Variants in LHFPL3 observed in about 807,000 individuals in gnomAD.
The protein encoded by LHFPL3 is LHFPL tetraspan subfamily member 3.
A neutral mutation model predicts 19.3 loss-of-function variants in LHFPL3; 5 were observed. The observed-to-expected ratio is 0.26, with a 90% CI of 0.14 to 0.54. The LOEUF (loss-of-function observed/expected upper bound fraction) is 0.54, where lower values mean the gene tolerates loss of function less well. LHFPL3 is among the 20% of genes least tolerant of loss of function. LHFPL3 has a pLI of 0.94. For missense variants in LHFPL3, 249 were observed against 307.4 expected (o/e 0.81, Z 1.42); for synonymous variants, 133 against 126.2 (o/e 1.05, Z -0.36).
intron 1 of LHFPL3, among the ~76,000 whole-genome samples, chr7:104,679,226 G>A (rs1480630659): frequency 6.6e-6 from 1 of 152,222 alleles, no homozygotes; most frequent in African/African-American, 2.4e-5. Context: ...CTCCTTACTG[G>A]TTGTTGACAG....
At chr7:104,462,670 G>T (rs1339422029) in intron 1 of LHFPL3, among the ~76,000 whole-genome samples, 3 of 152,134 alleles carry the variant, frequency 2.0e-5, no homozygotes, top group Admixed American at 6.5e-5. Flanking sequence ...TTGCATCAAT[G>T]TTCATCAAGG....
chr7:104,889,917 TTCAA>T (rs754758257), intron 2 of LHFPL3, among the ~76,000 whole-genome samples: 3 of 152,218 alleles, frequency 2.0e-5, no homozygotes, highest in Non-Finnish European at 2.9e-5. Context: ...ATTATACATG[TTCAA>T]TCAGTTTTTT....
intron 1 of LHFPL3, among the ~76,000 whole-genome samples, chr7:104,589,733 A>T (rs1713892551): frequency 6.6e-6 from 1 of 152,108 alleles, no homozygotes; most frequent in Admixed American, 6.5e-5. Context: ...CTGTGAATCC[A>T]TCTGGTCCTG....
intron 2 of LHFPL3, among the ~76,000 whole-genome samples, chr7:104,849,733 G>A (rs770644061): frequency 2.0e-5 from 3 of 152,170 alleles, no homozygotes; most frequent in Non-Finnish European, 4.4e-5. Flanking sequence ...AACCCAGCAG[G>A]GCCTCTCTGT....
At chr7:104,591,390 A>T (rs1392345315) in intron 1 of LHFPL3, among the ~76,000 whole-genome samples, 1 of 152,210 alleles carries the variant, frequency 6.6e-6, no homozygotes, top group Admixed American at 6.5e-5. Flanking sequence ...GTTTGGCTGG[A>T]TATGAAATTC....
intron 1 of LHFPL3, among the ~76,000 whole-genome samples, chr7:104,536,076 T>C (rs1291965336): frequency 6.6e-6 from 1 of 152,184 alleles, no homozygotes; most frequent in Non-Finnish European, 1.5e-5. Context: ...TCTGTAGCTG[T>C]AGCTGCACAG....
At position 104,764,525 on chromosome 7, in the gene LHFPL3, G is replaced by A. The variant is rs28661333; in HGVS notation, c.682+27614G>A. On this transcript the variant is annotated intron_variant, in intron 2 of 2. Coordinates refer to ENST00000424859, the MANE Select transcript of LHFPL3 (RefSeq NM_199000.3). ...ATTCCCATGGGAGAGAGTCTGATTG[G>A]CATAGCTTGAGCTAGGTGTCTATTG... Among the ~76,000 whole-genome samples, 416 of 152,234 alleles carry A rather than the reference G, an allele frequency of 2.7e-3. 1 individual carries two copies. The highest frequency in any genetic ancestry group is 9.2e-3 in the African/African-American group (383 of 41,546).
At chr7:104,839,769 T>C (rs1310761581) in intron 2 of LHFPL3, among the ~76,000 whole-genome samples, 1 of 152,200 alleles carries the variant, frequency 6.6e-6, no homozygotes, top group African/African-American at 2.4e-5. Flanking sequence ...ATTAAGTCTC[T>C]CTGCACTCAG....
At chr7:104,743,558 T>G (rs2116323424) in intron 2 of LHFPL3, among the ~76,000 whole-genome samples, 1 of 152,334 alleles carries the variant, frequency 6.6e-6, no homozygotes, top group Middle Eastern at 3.4e-3. Flanking sequence ...CAAAAGCATG[T>G]GTGTGAAAGC....
At chr7:104,341,872 G>C (rs1165330342) in intron 1 of LHFPL3, among the ~76,000 whole-genome samples, 2 of 150,042 alleles carry the variant, frequency 1.3e-5, no homozygotes, top group East Asian at 3.9e-4. Flanking sequence ...GGAGGGTGGA[G>C]GATAAAATAT....
chr7:104,579,695 G>C (rs938297476), intron 1 of LHFPL3, among the ~76,000 whole-genome samples: 1 of 152,140 alleles, frequency 6.6e-6, no homozygotes, highest in African/African-American at 2.4e-5. Flanking sequence ...TTAGAGTTAA[G>C]CTACACAAGC....
chr7:104,580,220 T>C (rs747124064), intron 1 of LHFPL3, among the ~76,000 whole-genome samples: 2 of 152,172 alleles, frequency 1.3e-5, no homozygotes, highest in Non-Finnish European at 2.9e-5. Flanking sequence ...TGTTGATGTA[T>C]GTAACACTGA....
intron 1 of LHFPL3, among the ~76,000 whole-genome samples, chr7:104,718,486 A>C (rs1216119831): frequency 6.6e-6 from 1 of 152,188 alleles, no homozygotes; most frequent in Non-Finnish European, 1.5e-5. Flanking sequence ...TAATGCTGGT[A>C]GTCAGACTGG....
intron 2 of LHFPL3, among the ~76,000 whole-genome samples, chr7:104,899,922 G>C (rs1792450252): frequency 6.6e-6 from 1 of 152,156 alleles, no homozygotes; most frequent in Non-Finnish European, 1.5e-5. Context: ...AGTAAAGACA[G>C]GGTTTTACCA....
intron 2 of LHFPL3, among the ~76,000 whole-genome samples, chr7:104,781,118 G>A (rs561759933): frequency 2.6e-5 from 4 of 152,170 alleles, no homozygotes; most frequent in East Asian, 1.9e-4. Context: ...AAAAATTCAC[G>A]TAACCACAGA....
intron 1 of LHFPL3, among the ~76,000 whole-genome samples, chr7:104,543,596 G>A (rs1794527787): frequency 6.6e-6 from 1 of 151,752 alleles, no homozygotes; most frequent in Non-Finnish European, 1.5e-5. Flanking sequence ...AAAAAATGAA[G>A]AGTTCATGTC....
chr7:104,590,532 A>G (rs1050259887), intron 1 of LHFPL3, among the ~76,000 whole-genome samples: 8 of 152,190 alleles, frequency 5.3e-5, no homozygotes, highest in Admixed American at 2.6e-4. Flanking sequence ...TTTACTTCCA[A>G]CTATGTGGTC....
intron 1 of LHFPL3, among the ~76,000 whole-genome samples, chr7:104,554,631 TTAGATAGACAGATAGATAGATAGATAGA>T (rs1458123144): frequency 7.1e-6 from 1 of 141,810 alleles, no homozygotes; most frequent in African/African-American, 2.6e-5. Flanking sequence ...ATAGGATAGA[TTAGATAGACAGATAGATAGATAGATAGA>T]TAGATAGATA....
chr7:104,634,323 C>T (rs1791695804), intron 1 of LHFPL3, among the ~76,000 whole-genome samples: 1 of 152,160 alleles, frequency 6.6e-6, no homozygotes, highest in South Asian at 2.1e-4. Context: ...GTGAGGGTTC[C>T]CTTCCTGGCT....
Sources: gnomAD v4.1 joint callset for allele counts (sites outside exome capture counted in the v4.1 genomes callset) on GRCh38, gnomAD v4.1.1 for gene constraint, MANE v1.5 for transcripts, NCBI Gene and HGNC (gene_info 2026-07-23, HGNC 2026-07-21) for gene names.